PDHX: variants seen among roughly 807,000 people sequenced by gnomAD.
PDHX encodes the protein pyruvate dehydrogenase complex component X.
A neutral mutation model predicts 55.3 loss-of-function variants in PDHX; 33 were observed. The ratio of observed to expected loss-of-function variants is 0.60; its 90% confidence interval spans 0.45 to 0.80. PDHX has a LOEUF of 0.80. PDHX is among the 30% of genes least tolerant of loss of function. The probability of loss-of-function intolerance (pLI) is 0.00; values close to 1 mark genes in which losing one functional copy is unlikely to be tolerated. For missense variants in PDHX, 622 were observed against 619.9 expected, an observed-to-expected ratio of 1.00 and a Z score of -0.04; for synonymous variants, 226 against 219.4, an observed-to-expected ratio of 1.03 and a Z score of -0.27.
At chr11:34,987,935 C>T (rs755463555) in intron 9 of PDHX, among the ~76,000 whole-genome samples, 9 of 151,898 alleles carry the variant, frequency 5.9e-5, no homozygotes, top group South Asian at 2.1e-4. Flanking sequence ...TATATTTTAC[C>T]GCATCCCCCA....
In PDHX at chr11:34,995,486, A is replaced by T. The variant is rs1366527389; in HGVS notation, c.*314A>T. 2 of 345,452 alleles carry T rather than the reference A, an allele frequency of 5.8e-6. No homozygotes were observed. Among genetic ancestry groups the T allele is most frequent in the Non-Finnish European group, 1.1e-5 (2 of 180,654 alleles). 21.4% of individuals were successfully genotyped at this position (345,452 alleles called of 1,614,324 possible). ...TCAAAGTATATGTTTGGCTCATTTG[A>T]GCATTTTGGAATATTTGAGAATGTA... On this transcript the variant is annotated 3_prime_UTR_variant, in exon 11 of 11. Transcript: ENST00000227868.
At chr11:34,934,042 C>T (rs571269710) in intron 2 of PDHX, among the ~76,000 whole-genome samples, 6 of 152,138 alleles carry the variant, frequency 3.9e-5, no homozygotes, top group South Asian at 2.1e-4. Context: ...CTATATGAAC[C>T]GTAGCTCTGA....
At chr11:34,974,710 C>A (rs993646647) in intron 7 of PDHX, among the ~76,000 whole-genome samples, 3 of 152,066 alleles carry the variant, frequency 2.0e-5, no homozygotes, top group African/African-American at 7.2e-5. Flanking sequence ...GGGTTCGAGA[C>A]CTGCCTGGGA....
In PDHX at chr11:34,995,074, A is replaced by G. The variant is rs1855833219; in HGVS notation, c.1408A>G (p.Thr470Ala). Residue 470 changes from threonine (T) to alanine (A), a missense_variant, in exon 11 of 11, where the codon ACA (threonine) becomes GCA (alanine). Thr to Ala is a moderately conservative substitution (Grantham distance 58, BLOSUM62 0). Coordinates refer to ENST00000227868, the MANE Select transcript of PDHX (RefSeq NM_003477.3). ...GCAGCAGCGCCAGCTCATAACAGTC[A>G]CAATGTCAAGTGACAGTCGAGTGGT... ...KLQQRQLITV[T>A]MSSDSRVVDD... The G allele has an allele frequency of 1.2e-6, 2 of 1,613,958 alleles. No homozygotes were observed. Among genetic ancestry groups the G allele is most frequent in the South Asian group, 2.2e-5 (2 of 91,092 alleles).
chr11:34,960,392 T>G, intron 4 of PDHX, 28 bp from the exon 5 acceptor site: 1 of 1,399,554 alleles, frequency 7.1e-7, no homozygotes, highest in Non-Finnish European at 1.0e-6. Context: ...GTTAATTGGT[T>G]CTATTAACCT....
chr11:34,936,062 G>T (rs893880536), intron 2 of PDHX, among the ~76,000 whole-genome samples: 3 of 152,200 alleles, frequency 2.0e-5, no homozygotes, highest in African/African-American at 7.2e-5. Flanking sequence ...AATGACAGAT[G>T]TGGGGATCAG....
At chr11:34,959,741 C>G (rs2133974874) in intron 4 of PDHX, among the ~76,000 whole-genome samples, 1 of 152,142 alleles carries the variant, frequency 6.6e-6, no homozygotes, top group African/African-American at 2.4e-5. Flanking sequence ...GAAGGAAATT[C>G]TGATAAATGC....
intron 6 of PDHX, 151 bp from the exon 7 acceptor site, chr11:34,969,988 G>A (rs2133983838): frequency 1.4e-6 from 1 of 709,634 alleles, no homozygotes; most frequent in South Asian, 1.7e-5. Flanking sequence ...CTTATACTAA[G>A]AATTTTAATA....
chr11:34,995,177 C>T lies in PDHX; in HGVS notation c.*5C>T. The T allele has an allele frequency of 4.3e-6, 7 of 1,613,500 alleles. No homozygotes were observed. The highest frequency in any genetic ancestry group is 5.9e-6 in the Non-Finnish European group (7 of 1,179,766). On this transcript the variant is annotated 3_prime_UTR_variant, in exon 11 of 11. Transcript: ENST00000227868. ...AATCCTATCCGACTTGCCTAGTCCT[C>T]AAAGATAAGAAGTTGGTGTTCAGCT...
At position 34,916,773 on chromosome 11, in the gene PDHX, G is replaced by A. The variant is rs773340684; in HGVS notation, c.118G>A (p.Gly40Arg). ...GGCTCTTGGGTGGTCTGTAAGCCGCGGAGCTAATTGGAGATGGTTTCACAG... is the reference window on the plus strand; with the variant it reads ...GGCTCTTGGGTGGTCTGTAAGCCGCAGAGCTAATTGGAGATGGTTTCACAG... The part of the protein sequence containing the change: ...KGALGWSVSR[G>R]ANWRWFHSTQ... The change falls in exon 1 of 11, where the codon GGA becomes AGA. Residue 40 changes from glycine to arginine, a missense_variant. Transcript: ENST00000227868. 1 of 1,602,460 alleles carries A rather than the reference G, an allele frequency of 6.2e-7. No individual in the cohort carries two copies. The highest frequency in any genetic ancestry group is 8.5e-7 in the Non-Finnish European group (1 of 1,174,870).
chr11:34,970,780 G>A (rs1855241144), intron 7 of PDHX, among the ~76,000 whole-genome samples: 1 of 152,158 alleles, frequency 6.6e-6, no homozygotes, highest in African/African-American at 2.4e-5. Flanking sequence ...GACTAGAGAT[G>A]CCAAAACAGT....
At chr11:34,968,420 T>C (rs1855183225) in intron 6 of PDHX, among the ~76,000 whole-genome samples, 1 of 152,192 alleles carries the variant, frequency 6.6e-6, no homozygotes, top group African/African-American at 2.4e-5. Context: ...AGCCGCACTT[T>C]CATTTGCTTT....
At chr11:34,980,702 T>C (rs1294403818) in intron 8 of PDHX, among the ~76,000 whole-genome samples, 1 of 152,004 alleles carries the variant, frequency 6.6e-6, no homozygotes, top group Non-Finnish European at 1.5e-5. Context: ...TGAAAAGCAA[T>C]GTGAAGGTAG....
intron 5 of PDHX, 76 bp from the exon 6 acceptor site, chr11:34,966,564 C>A: frequency 7.5e-7 from 1 of 1,338,450 alleles, no homozygotes; most frequent in Non-Finnish European, 1.1e-6. Flanking sequence ...TTCTCCACAT[C>A]TCACCTGCGT....
chr11:34,967,121 G>T (rs567401571), intron 6 of PDHX, among the ~76,000 whole-genome samples: 29 of 152,124 alleles, frequency 1.9e-4, no homozygotes, highest in African/African-American at 6.7e-4. Flanking sequence ...CAAAGTGCTG[G>T]GATTACAGGT....
intron 3 of PDHX, among the ~76,000 whole-genome samples, chr11:34,952,124 C>G (rs1210006392): frequency 1.3e-5 from 2 of 151,770 alleles, no homozygotes; most frequent in Admixed American, 6.5e-5. Context: ...CACATACACT[C>G]TCCCAAGGCT....
At chr11:34,929,754 T>G (rs925285850) in intron 1 of PDHX, among the ~76,000 whole-genome samples, 1 of 152,228 alleles carries the variant, frequency 6.6e-6, no homozygotes, top group Non-Finnish European at 1.5e-5. Context: ...GTTTTCTCAT[T>G]GATGAAATGG....
At chr11:34,983,733 C>T (rs1044894746) in intron 8 of PDHX, among the ~76,000 whole-genome samples, 8 of 152,084 alleles carry the variant, frequency 5.3e-5, no homozygotes, top group Admixed American at 2.0e-4. Flanking sequence ...TGAAGGACTT[C>T]TTCAAGGAGA....
At chr11:34,944,350 C>T (rs1467782417) in intron 2 of PDHX, among the ~76,000 whole-genome samples, 1 of 151,970 alleles carries the variant, frequency 6.6e-6, no homozygotes, top group Non-Finnish European at 1.5e-5. Context: ...GAACCCCTGG[C>T]CTCAGGTGAT....
Sources: allele counts gnomAD v4.1 joint callset (sites outside exome capture counted in the v4.1 genomes callset), GRCh38; gene constraint gnomAD v4.1.1; transcripts MANE v1.5; gene names NCBI Gene and HGNC (gene_info 2026-07-23, HGNC 2026-07-21).